Variants in GALNT13 observed in about 807,000 individuals in gnomAD.
The protein encoded by GALNT13 is polypeptide N-acetylgalactosaminyltransferase 13.
GALNT13 carries 28 observed loss-of-function variants against 64.2 expected under a neutral mutation model. The observed-to-expected ratio is 0.44, with a 90% CI of 0.32 to 0.60. The LOEUF is 0.60. Ranked by LOEUF, GALNT13 falls within the 20% of genes least tolerant of loss-of-function variation. The pLI is 0.05. For synonymous variants in GALNT13, 214 were observed against 224.6 expected, an observed-to-expected ratio of 0.95 and a Z score of 0.42; for missense variants, 577 against 669.8, an observed-to-expected ratio of 0.86 and a Z score of 1.53.
At chr2:154,187,408 ACACAC>A (rs1201142731) in intron 4 of GALNT13, among the ~76,000 whole-genome samples, 1 of 148,958 alleles carries the variant, frequency 6.7e-6, no homozygotes, top group African/African-American at 2.5e-5. Context: ...ACACACACAC[ACACAC>A]AACTTCTAAA....
At chr2:154,108,561 A>G (rs1271098159) in intron 3 of GALNT13, among the ~76,000 whole-genome samples, 2 of 152,072 alleles carry the variant, frequency 1.3e-5, no homozygotes, top group East Asian at 3.9e-4. Flanking sequence ...ATTGTCTTCT[A>G]TGCTGTTCAG....
the GALNT13 span, among the ~76,000 whole-genome samples, chr2:153,182,449 CTTTAACT>C: frequency 6.6e-6 from 1 of 152,038 alleles, no homozygotes; most frequent in Non-Finnish European, 1.5e-5. Flanking sequence ...TTTTTTTATT[CTTTAACT>C]TTTAAGTTCA....
intron 4 of GALNT13, among the ~76,000 whole-genome samples, chr2:154,157,549 A>T (rs1390173691): frequency 6.6e-6 from 1 of 152,208 alleles, no homozygotes; most frequent in Non-Finnish European, 1.5e-5. Context: ...CAGAATGCAA[A>T]GATGCTGTTT....
At chr2:153,787,357 C>T in the GALNT13 span, among the ~76,000 whole-genome samples, 2 of 152,198 alleles carry the variant, frequency 1.3e-5, no homozygotes, top group African/African-American at 2.4e-5. Flanking sequence ...GCATAACCCC[C>T]TGTGAAACCA....
At chr2:153,172,642 A>T in the GALNT13 span, among the ~76,000 whole-genome samples, 1 of 152,156 alleles carries the variant, frequency 6.6e-6, no homozygotes, top group Non-Finnish European at 1.5e-5. Context: ...CAGGGTCACT[A>T]GTACCTGGGC....
chr2:153,643,154 G>C, the GALNT13 span, among the ~76,000 whole-genome samples: 1 of 151,110 alleles, frequency 6.6e-6, no homozygotes, highest in East Asian at 1.9e-4. Context: ...GCAAAATCAA[G>C]AGCAAGTATT....
chr2:153,082,915 G>A, the GALNT13 span, among the ~76,000 whole-genome samples: 5 of 151,068 alleles, frequency 3.3e-5, no homozygotes, highest in African/African-American at 7.3e-5. Context: ...TGCAACCTCC[G>A]CCTCGCAGGT....
At chr2:154,033,840 G>T (rs1412178635) in intron 3 of GALNT13, among the ~76,000 whole-genome samples, 2 of 152,188 alleles carry the variant, frequency 1.3e-5, no homozygotes, top group African/African-American at 4.8e-5. Context: ...TCGGGAGGCT[G>T]AGGCAAGAGA....
chr2:154,081,447 C>G (rs967587173), intron 3 of GALNT13, among the ~76,000 whole-genome samples: 1 of 151,560 alleles, frequency 6.6e-6, no homozygotes, highest in Non-Finnish European at 1.5e-5. Context: ...ACTGCTCACT[C>G]ATCATTTCCC....
the GALNT13 span, among the ~76,000 whole-genome samples, chr2:153,804,810 A>G: frequency 6.6e-6 from 1 of 152,156 alleles, no homozygotes; most frequent in Non-Finnish European, 1.5e-5. Flanking sequence ...ACATAAAATG[A>G]AAGCACACCA....
At chr2:153,445,617 A>G in the GALNT13 span, among the ~76,000 whole-genome samples, 1 of 152,172 alleles carries the variant, frequency 6.6e-6, no homozygotes, top group Admixed American at 6.5e-5. Context: ...GGCTCAAACA[A>G]TCTGCCTGCC....
At position 154,209,907 on chromosome 2, in the gene GALNT13, A is replaced by G. The variant is rs185845979; in HGVS notation, c.312-32123A>G. Among the ~76,000 whole-genome samples the G allele has an allele frequency of 6.6e-4, 100 of 152,290 alleles. 2 individuals carry two copies. Among genetic ancestry groups the G allele is most frequent in the Non-Finnish European group, 1.5e-5 (1 of 68,018 alleles). ...TCCTAGAAATTCTAAAATATACCTTATTTAACTATAGTCACCATGCTGTGC... is the reference window on the plus strand; with the variant it reads ...TCCTAGAAATTCTAAAATATACCTTGTTTAACTATAGTCACCATGCTGTGC... On this transcript the variant is annotated intron_variant, in intron 4 of 12. Transcript: ENST00000392825.
the GALNT13 span, among the ~76,000 whole-genome samples, chr2:153,646,581 T>G: frequency 3.5e-4 from 54 of 152,154 alleles, no homozygotes; most frequent in African/African-American, 1.2e-3. Context: ...TCATTTACAT[T>G]AGGTATATCT....
intron 1 of GALNT13, among the ~76,000 whole-genome samples, chr2:153,889,963 G>A (rs367637656): frequency 6.6e-6 from 1 of 151,824 alleles, no homozygotes; most frequent in Middle Eastern, 3.4e-3. Context: ...TTGTGGGTGT[G>A]TCTGCACTTC....
chr2:153,636,642 A>G, the GALNT13 span, among the ~76,000 whole-genome samples: 2 of 152,236 alleles, frequency 1.3e-5, no homozygotes, highest in South Asian at 4.1e-4. Context: ...CCTCTCATCA[A>G]TCATCAAAAT....
chr2:153,195,902 G>A, the GALNT13 span, among the ~76,000 whole-genome samples: 1 of 152,178 alleles, frequency 6.6e-6, no homozygotes, highest in Non-Finnish European at 1.5e-5. Flanking sequence ...TGTCCCATGA[G>A]TGTTCAGCTA....
At chr2:153,836,910 T>A in the GALNT13 span, among the ~76,000 whole-genome samples, 1 of 152,106 alleles carries the variant, frequency 6.6e-6, no homozygotes, top group Non-Finnish European at 1.5e-5. Flanking sequence ...TCTATCATTG[T>A]TGGACATTTG....
chr2:153,753,929 T>C, the GALNT13 span, among the ~76,000 whole-genome samples: 17 of 152,256 alleles, frequency 1.1e-4, no homozygotes, highest in Non-Finnish European at 2.2e-4. Context: ...AACTACAAGA[T>C]AGAGCATTTC....
At chr2:153,558,731 T>G in the GALNT13 span, among the ~76,000 whole-genome samples, 1 of 152,216 alleles carries the variant, frequency 6.6e-6, no homozygotes, top group Non-Finnish European at 1.5e-5. Context: ...TAACTTCCGT[T>G]AAAATTTATT....
Sources: gnomAD v4.1 joint callset for allele counts (sites outside exome capture counted in the v4.1 genomes callset) on GRCh38, gnomAD v4.1.1 for gene constraint, MANE v1.5 for transcripts, NCBI Gene and HGNC (gene_info 2026-07-23, HGNC 2026-07-21) for gene names.